UBE2G1: variants seen among roughly 807,000 people sequenced by gnomAD.
UBE2G1 encodes the protein ubiquitin conjugating enzyme E2 G1, also known as ubiquitin-conjugating enzyme E2 G1.
Under a neutral mutation model 22.7 loss-of-function variants are expected in UBE2G1, and 5 were observed. The observed-to-expected ratio is 0.22, with a 90% CI of 0.12 to 0.46. The LOEUF (loss-of-function observed/expected upper bound fraction) is 0.46. UBE2G1 is among the 20% of genes least tolerant of loss of function. The pLI, the probability that UBE2G1 is intolerant of heterozygous loss-of-function variation, is 0.99. For missense variants in UBE2G1, 88 were observed against 203.9 expected (o/e 0.43, Z 3.46); for synonymous variants, 74 against 67.5 (o/e 1.10, Z -0.47).
intron 1 of UBE2G1, among the ~76,000 whole-genome samples, chr17:4,354,900 GCACTC>G (rs1969887860): frequency 1.3e-5 from 2 of 151,622 alleles, no homozygotes; most frequent in South Asian, 4.1e-4. Flanking sequence ...TCACATCCCT[GCACTC>G]CAGCCTGGGT....
chr17:4,305,789 G>A (rs1667160294), intron 2 of UBE2G1, among the ~76,000 whole-genome samples: 1 of 152,134 alleles, frequency 6.6e-6, no homozygotes. Context: ...TGATCCACAC[G>A]CCTCAGCCTC....
chr17:4,338,479 C>T (rs1014502585), intron 1 of UBE2G1, among the ~76,000 whole-genome samples: 1 of 152,156 alleles, frequency 6.6e-6, no homozygotes, highest in African/African-American at 2.4e-5. Flanking sequence ...TAGCTCCCCC[C>T]TCAACTCCAA....
chr17:4,321,053 A>C (rs1244407599), intron 1 of UBE2G1, among the ~76,000 whole-genome samples: 1 of 152,186 alleles, frequency 6.6e-6, no homozygotes, highest in Non-Finnish European at 1.5e-5. Context: ...GGGGATGAAG[A>C]GGGAAAATCT....
intron 1 of UBE2G1, among the ~76,000 whole-genome samples, chr17:4,357,431 G>A (rs1413084778): frequency 1.4e-5 from 2 of 140,452 alleles, no homozygotes; most frequent in Non-Finnish European, 3.0e-5. Flanking sequence ...TGGAGGTCTT[G>A]GAAAGTATTT....
Position 4,352,025 on chromosome 17 carries a change from G to A in UBE2G1, c.46+14246C>T, listed in dbSNP as rs527437567. Reference sequence around the variant, plus strand: ...CTCACGCCTGCAATCCCAGCACTTCGAAAGGCTGAGGCGGGTGAGGTGAGG... The same window carrying A: ...CTCACGCCTGCAATCCCAGCACTTCAAAAGGCTGAGGCGGGTGAGGTGAGG... On this transcript the variant is annotated intron_variant, in intron 1 of 5. Coordinates refer to ENST00000396981, the MANE Select transcript of UBE2G1 (RefSeq NM_003342.5). Among the ~76,000 whole-genome samples the A allele has an allele frequency of 7.2e-5, 11 of 152,172 alleles. No homozygotes were observed. The South Asian group carries it at 1.7e-3, about 23-fold the overall frequency.
intron 1 of UBE2G1, among the ~76,000 whole-genome samples, chr17:4,343,389 A>C (rs1969732523): frequency 6.6e-6 from 1 of 152,054 alleles, no homozygotes; most frequent in African/African-American, 2.4e-5. Flanking sequence ...GTGTAGTCCC[A>C]GCTACAAGGG....
At chr17:4,285,846 G>A (rs1598180314) in intron 4 of UBE2G1, among the ~76,000 whole-genome samples, 1 of 152,070 alleles carries the variant, frequency 6.6e-6, no homozygotes, top group Non-Finnish European at 1.5e-5. Flanking sequence ...AACTATTCAG[G>A]AGGCTGAGGC....
intron 1 of UBE2G1, among the ~76,000 whole-genome samples, chr17:4,339,940 T>C (rs889576637): frequency 6.6e-6 from 1 of 152,228 alleles, no homozygotes; most frequent in Admixed American, 6.5e-5. Flanking sequence ...TTTCCTTCTT[T>C]TGATGGAGTC....
chr17:4,366,379 G>T lies in UBE2G1; in HGVS notation c.-63C>A. 1 of 1,418,924 alleles carries T rather than the reference G, an allele frequency of 7.0e-7. No individual in the cohort carries two copies. Among genetic ancestry groups the T allele is most frequent in the Non-Finnish European group, 9.2e-7 (1 of 1,090,032 alleles). 87.9% of individuals were successfully genotyped at this position (1,418,924 alleles called of 1,614,324 possible). ...CGAAGGGCTGGGGACAGGCTCTGGG[G>T]GCGGCTGGAGCGGGGTGTGCCGAGG... On this transcript the variant is annotated 5_prime_UTR_variant, in exon 1 of 6. Coordinates refer to ENST00000396981, the MANE Select transcript of UBE2G1 (RefSeq NM_003342.5).
intron 1 of UBE2G1, among the ~76,000 whole-genome samples, chr17:4,317,129 A>T (rs1969384624): frequency 6.6e-6 from 1 of 151,814 alleles, no homozygotes; most frequent in African/African-American, 2.4e-5. Flanking sequence ...GCAGGGAGAT[A>T]ACCTGAGGTC....
At chr17:4,288,657 A>T (rs954837067) in intron 4 of UBE2G1, among the ~76,000 whole-genome samples, 2 of 152,192 alleles carry the variant, frequency 1.3e-5, no homozygotes, top group African/African-American at 4.8e-5. Context: ...TTGCATTGAA[A>T]AACTACACTT....
intron 1 of UBE2G1, among the ~76,000 whole-genome samples, chr17:4,314,244 T>C (rs1420531771): frequency 6.6e-6 from 1 of 152,118 alleles, no homozygotes; most frequent in Non-Finnish European, 1.5e-5. Flanking sequence ...AAATGTTAGG[T>C]TCATCTCACA....
At chr17:4,353,658 A>G (rs766295820) in intron 1 of UBE2G1, among the ~76,000 whole-genome samples, 3 of 151,662 alleles carry the variant, frequency 2.0e-5, no homozygotes, top group Non-Finnish European at 1.5e-5. Context: ...CACTACAGGC[A>G]CGTGCCACCA....
intron 2 of UBE2G1, among the ~76,000 whole-genome samples, chr17:4,299,566 T>A (rs1021838702): frequency 4.7e-4 from 71 of 152,326 alleles, no homozygotes; most frequent in African/African-American, 1.6e-3. Flanking sequence ...AAAAGCTTCA[T>A]AATAGCTGAC....
intron 1 of UBE2G1, among the ~76,000 whole-genome samples, chr17:4,361,019 T>C (rs1197360766): frequency 6.6e-6 from 1 of 152,022 alleles, no homozygotes; most frequent in Non-Finnish European, 1.5e-5. Context: ...GGTCAGGAGT[T>C]CAAGATCGGC....
intron 1 of UBE2G1, among the ~76,000 whole-genome samples, chr17:4,352,892 C>G (rs533344934): frequency 3.3e-5 from 5 of 152,122 alleles, no homozygotes; most frequent in Middle Eastern, 3.4e-3. Flanking sequence ...CTGGGCAACA[C>G]GGAGAAACCC....
chr17:4,343,876 C>T (rs547841915), intron 1 of UBE2G1, among the ~76,000 whole-genome samples: 3 of 152,208 alleles, frequency 2.0e-5, no homozygotes, highest in African/African-American at 4.8e-5. Context: ...CGTGAGCCAC[C>T]GCGCCCAGCC....
chr17:4,352,695 T>C (rs904493376), intron 1 of UBE2G1, among the ~76,000 whole-genome samples: 2 of 152,168 alleles, frequency 1.3e-5, no homozygotes, highest in Non-Finnish European at 1.5e-5. Context: ...GGCTGTATTA[T>C]AGATAATACA....
intron 1 of UBE2G1, among the ~76,000 whole-genome samples, chr17:4,341,430 G>A (rs1969710966): frequency 6.6e-6 from 1 of 152,090 alleles, no homozygotes; most frequent in Admixed American, 6.6e-5. Context: ...AAACTGGCCA[G>A]TAATTAGATC....
Sources: allele counts gnomAD v4.1 joint callset (sites outside exome capture counted in the v4.1 genomes callset), GRCh38; gene constraint gnomAD v4.1.1; transcripts MANE v1.5; gene names NCBI Gene and HGNC (gene_info 2026-07-23, HGNC 2026-07-21).